CYSLTR1: variants seen among roughly 807,000 people sequenced by gnomAD.
The protein encoded by CYSLTR1 is G-protein coupled receptor HG55.
Under a neutral mutation model 2.1 loss-of-function variants are expected in CYSLTR1, and 1 was observed. The observed-to-expected ratio is 0.48, with a 90% CI of 0.17 to 2.28. CYSLTR1 has a LOEUF of 2.28. CYSLTR1 is among the 30% of genes most tolerant of loss of function. The pLI is 0.26. For missense variants in CYSLTR1, 299 were observed against 250.1 expected (o/e 1.20, Z -1.32); for synonymous variants, 110 against 89.6 (o/e 1.23, Z -1.28).
rs768671314 is a variant in CYSLTR1, at chrX:78,323,196, G to A, written c.-115+4109C>T. Among the ~76,000 whole-genome samples, 39 of 111,586 alleles carry A rather than the reference G, an allele frequency of 3.5e-4. No homozygotes were observed. The South Asian group carries it at 3.8e-3, about 11-fold the overall frequency. ...TTTTGAACTTTTTGTAAAGCACTAA[G>A]TAGAGGGCCTTTTTCCAGGAATACC... On this transcript the variant is annotated intron_variant, in intron 1 of 2. Coordinates refer to ENST00000373304, the MANE Select transcript of CYSLTR1 (RefSeq NM_006639.4).
chrX:78,311,327 A>T (rs780801863), intron 1 of CYSLTR1, among the ~76,000 whole-genome samples: 1 of 111,299 alleles, frequency 9.0e-6, no homozygotes, highest in Non-Finnish European at 1.9e-5. Context: ...AGTCTGCATG[A>T]TTGTGTGATT....
Position 78,272,531 on chromosome X carries a change from T to G in CYSLTR1, c.*202A>C, listed in dbSNP as rs1264988748. On this transcript the variant is annotated 3_prime_UTR_variant, in exon 3 of 3. Transcript: ENST00000373304. ...TCAAAATTATTTATAATTCAGTTCA[T>G]AGTTGTGGACCGAATTTTTAGCACT... 1.6e-5 allele frequency: 5 copies of G among 308,435 alleles called. No homozygotes were observed. Among genetic ancestry groups the G allele is most frequent in the African/African-American group, 1.4e-4 (5 of 36,543 alleles). 25.4% of individuals were successfully genotyped at this position (308,435 alleles called of 1,213,427 possible).
chrX:78,271,581 G>T lies in CYSLTR1; in HGVS notation c.*1152C>A, dbSNP rs772846401. On this transcript the variant is annotated 3_prime_UTR_variant, in exon 3 of 3. Coordinates refer to ENST00000373304, the MANE Select transcript of CYSLTR1 (RefSeq NM_006639.4). ...TGTCCACGCATATTATATTTCAGCC[G>T]TAGATGAGTTGTTGTGGCTGTTTTA... 8.9e-6 allele frequency: 1 copy of T among 111,916 alleles called. No homozygotes were observed. The highest frequency in any genetic ancestry group is 3.7e-4 in the South Asian group (1 of 2,732). The allele number at this position is 111,916 out of a possible 1,213,427, so 9.2% of individuals were successfully genotyped here.
At chrX:78,291,344 C>T (rs1238669030) in intron 1 of CYSLTR1, among the ~76,000 whole-genome samples, 1 of 111,791 alleles carries the variant, frequency 8.9e-6, no homozygotes, top group Non-Finnish European at 1.9e-5. Context: ...TGATGTGCTG[C>T]TGGATTTAGT....
intron 1 of CYSLTR1, among the ~76,000 whole-genome samples, chrX:78,287,632 T>A (rs762128519): frequency 8.9e-6 from 1 of 111,844 alleles, no homozygotes; most frequent in Non-Finnish European, 1.9e-5. Context: ...TGTGGATGAA[T>A]CTCAGAACAA....
intron 1 of CYSLTR1, among the ~76,000 whole-genome samples, chrX:78,297,434 A>G (rs1922621828): frequency 9.0e-6 from 1 of 111,248 alleles, no homozygotes; most frequent in Non-Finnish European, 1.9e-5. Context: ...CTCCTCCTCT[A>G]TTTTTTGAAA....
intron 1 of CYSLTR1, among the ~76,000 whole-genome samples, chrX:78,292,435 T>C (rs769556119): frequency 8.9e-6 from 1 of 112,105 alleles, no homozygotes; most frequent in Non-Finnish European, 1.9e-5. Context: ...CTGAGAAGAA[T>C]GTGTATTCTG....
At position 78,273,440 on chromosome X, in the gene CYSLTR1, A is replaced by T. The variant is rs1364459111; in HGVS notation, c.307T>A (p.Leu103Met). The T allele has an allele frequency of 6.6e-6, 8 of 1,211,723 alleles. No individual in the cohort carries two copies. Among genetic ancestry groups the T allele is most frequent in the Non-Finnish European group, 8.9e-6 (8 of 895,437 alleles). ...DFLCRLSTYA[L>M]YVNLYCSIFF... ...ATGCTACAATAGAGGTTGACATACA[A>T]AGCATAGGTGCTGAGGCGGCACAAG... The change falls in exon 3 of 3, where the codon TTG (leucine) becomes ATG (methionine). Residue 103 changes from leucine to methionine, a missense_variant. By Grantham distance (15) the Leu-to-Met change is conservative (BLOSUM62 2). Transcript: ENST00000373304.
chrX:78,287,217 C>G (rs1053799557), intron 1 of CYSLTR1, among the ~76,000 whole-genome samples: 3 of 111,800 alleles, frequency 2.7e-5, no homozygotes, highest in African/African-American at 9.7e-5. Flanking sequence ...GGTGCCATAT[C>G]TAAGAAATTT....
At chrX:78,310,249 T>C (rs1050999112) in intron 1 of CYSLTR1, among the ~76,000 whole-genome samples, 1 of 111,862 alleles carries the variant, frequency 8.9e-6, no homozygotes, top group African/African-American at 3.2e-5. Flanking sequence ...TTGTTTACCA[T>C]ATGTGTATCA....
At chrX:78,326,027 C>T (rs182797165) in intron 1 of CYSLTR1, among the ~76,000 whole-genome samples, 1 of 111,561 alleles carries the variant, frequency 9.0e-6, no homozygotes, top group African/African-American at 3.3e-5. Context: ...CTTAACCTAC[C>T]ATTATCTGTG....
intron 1 of CYSLTR1, among the ~76,000 whole-genome samples, chrX:78,305,165 C>A (rs530852998): frequency 1.8e-5 from 2 of 112,138 alleles, no homozygotes; most frequent in South Asian, 7.3e-4. Context: ...TTAATGTGGA[C>A]CATTTTGGTT....
chrX:78,281,127 T>C (rs1921823698), intron 2 of CYSLTR1, among the ~76,000 whole-genome samples: 1 of 111,746 alleles, frequency 8.9e-6, no homozygotes, highest in Non-Finnish European at 1.9e-5. Context: ...GGTGGAATGA[T>C]AGTTCTATTT....
chrX:78,291,066 C>G (rs1922304828), intron 1 of CYSLTR1, among the ~76,000 whole-genome samples: 1 of 111,776 alleles, frequency 8.9e-6, no homozygotes, highest in Non-Finnish European at 1.9e-5. Flanking sequence ...CAGTTTTTGC[C>G]CATTCAGTAT....
intron 1 of CYSLTR1, among the ~76,000 whole-genome samples, chrX:78,297,391 A>G (rs996638466): frequency 9.0e-6 from 1 of 111,370 alleles, no homozygotes; most frequent in Non-Finnish European, 1.9e-5. Context: ...TCAAGGTAAT[A>G]CTGGCCTCTT....
intron 2 of CYSLTR1, among the ~76,000 whole-genome samples, chrX:78,276,580 C>T (rs1222879978): frequency 3.6e-5 from 4 of 110,624 alleles, no homozygotes; most frequent in Non-Finnish European, 5.7e-5. Flanking sequence ...GAGGATGTAG[C>T]GTCCATCCAT....
At chrX:78,319,509 T>A (rs1231721957) in intron 1 of CYSLTR1, 1 of 110,454 alleles carries the variant, frequency 9.1e-6, no homozygotes, top group Non-Finnish European at 1.9e-5. Context: ...TAATCCAGTC[T>A]ATCATTGTTG....
At chrX:78,322,877 G>T (rs1923719236) in intron 1 of CYSLTR1, among the ~76,000 whole-genome samples, 1 of 111,538 alleles carries the variant, frequency 9.0e-6, no homozygotes, top group African/African-American at 3.3e-5. Context: ...AGGCCATTCT[G>T]TTGTCAGACA....
At chrX:78,281,646 T>C (rs1921849611) in intron 2 of CYSLTR1, among the ~76,000 whole-genome samples, 1 of 111,423 alleles carries the variant, frequency 9.0e-6, no homozygotes, top group Admixed American at 9.6e-5. Flanking sequence ...GGTTTTGAAA[T>C]AAGATCTTCC....
Sources: gnomAD v4.1 joint callset for allele counts (sites outside exome capture counted in the v4.1 genomes callset) on GRCh38, gnomAD v4.1.1 for gene constraint, MANE v1.5 for transcripts, NCBI Gene and HGNC (gene_info 2026-07-23, HGNC 2026-07-21) for gene names.